Variants in KASH5 observed in about 807,000 individuals in gnomAD.
KASH5 encodes the protein protein KASH5.
A neutral mutation model predicts 84.2 loss-of-function variants in KASH5; 72 were observed. The observed-to-expected ratio is 0.85, with a 90% confidence interval of 0.71 to 1.04. The LOEUF (loss-of-function observed/expected upper bound fraction) is 1.04, where lower values mean the gene tolerates loss of function less well. Ranked by LOEUF, KASH5 falls within the 50% of genes least tolerant of loss-of-function variation. KASH5 has a pLI of 0.00. For synonymous variants in KASH5, 260 were observed against 279.1 expected, an observed-to-expected ratio of 0.93 and a Z score of 0.68; for missense variants, 650 against 701.0, an observed-to-expected ratio of 0.93 and a Z score of 0.82.
At chr19:49,402,366 A>T (rs138373284) in intron 9 of KASH5, among the ~76,000 whole-genome samples, 1 of 151,422 alleles carries the variant, frequency 6.6e-6, no homozygotes, top group Non-Finnish European at 1.5e-5. Flanking sequence ...TAGGCAACAT[A>T]GTGAGAGCCC....
chr19:49,407,021 T>C, intron 10 of KASH5, 58 bp downstream of exon 10: 1 of 1,516,804 alleles, frequency 6.6e-7, no homozygotes. Context: ...ATTTTTCCCA[T>C]TTCCGGTTTT....
rs1219518638 is a variant in KASH5 at position 49,412,887 on chromosome 19, C to T, written c.1270-81C>T. On this transcript the variant is annotated intron_variant, in intron 15 of 19. Coordinates refer to ENST00000447857, the MANE Select transcript of KASH5 (RefSeq NM_144688.5). This position sits in a 1 kb window ranked among gnomAD's most constrained non-coding sequence, Gnocchi z 4.6. ...TTTTGTATATGGGGTCTGGGACCGGCGGGGGAGACAGTGGGCACTGTTAGG... is the reference window on the plus strand; with the variant it reads ...TTTTGTATATGGGGTCTGGGACCGGTGGGGGAGACAGTGGGCACTGTTAGG... 6.4e-6 allele frequency: 9 copies of T among 1,400,860 alleles called. No individual in the cohort carries two copies. The highest frequency in any genetic ancestry group is 6.1e-5 in the South Asian group (5 of 82,142). 86.8% of individuals were successfully genotyped at this position (1,400,860 alleles called of 1,614,324 possible). A position where few individuals can be genotyped will look rare whatever the true frequency, so the allele number is the denominator to read the frequency against.
intron 17 of KASH5, 131 bp downstream of exon 17, chr19:49,415,127 C>G (rs1314967037): frequency 3.3e-6 from 3 of 920,032 alleles, no homozygotes; most frequent in Non-Finnish European, 5.2e-6. Context: ...AATCATTTGG[C>G]CAAGAGATAA....
intron 10 of KASH5, 75 bp from the exon 11 acceptor site, chr19:49,407,165 G>A: frequency 1.3e-6 from 2 of 1,544,462 alleles, no homozygotes; most frequent in Non-Finnish European, 1.8e-6. Context: ...GAGAGAACAG[G>A]TGGGGCCAGG....
At chr19:49,402,241 CA>C (rs1050513362) in intron 9 of KASH5, among the ~76,000 whole-genome samples, 14 of 135,916 alleles carry the variant, frequency 1.0e-4, no homozygotes, top group Admixed American at 1.5e-4. Flanking sequence ...GACTCAGTCT[CA>C]AAAAAAAAAG....
intron 15 of KASH5, among the ~76,000 whole-genome samples, chr19:49,411,925 AAGGAAGGAAG>A (rs1974725253): frequency 5.6e-5 from 2 of 35,686 alleles, no homozygotes; most frequent in South Asian, 1.5e-3. Context: ...GGAGGGAAGG[AAGGAAGGAAG>A]GAAGGAAGGA....
At chr19:49,397,572 G>A in intron 5 of KASH5, 79 bp from the exon 6 acceptor site, 1 of 1,321,728 alleles carries the variant, frequency 7.6e-7, no homozygotes, top group Non-Finnish European at 1.1e-6. Context: ...GGCAGATGGA[G>A]TCCAACCTCA....
chr19:49,397,576 A>G, intron 5 of KASH5, 75 bp from the exon 6 acceptor site: 1 of 1,397,006 alleles, frequency 7.2e-7, no homozygotes, highest in Non-Finnish European at 1.0e-6. Flanking sequence ...GATGGAGTCC[A>G]ACCTCAGAGC....
chr19:49,398,928 ATC>A (rs1974272876), intron 7 of KASH5, 95 bp from the exon 8 acceptor site: 1 of 902,778 alleles, frequency 1.1e-6, no homozygotes, highest in Admixed American at 2.5e-5. Flanking sequence ...ACCACCTGGG[ATC>A]TCTCTGTTGC....
Position 49,394,580 on chromosome 19 carries a change from G to A in KASH5, c.148G>A (p.Gly50Ser), listed in dbSNP as rs1389920424. The A allele has an allele frequency of 1.2e-6, 2 of 1,611,754 alleles. No homozygotes were observed. The highest frequency in any genetic ancestry group is 1.7e-5 in the Admixed American group (1 of 59,990). ...TFEACDPQRT[G>S]TVAVAQVLAY... ...CGAAGCTTGTGACCCTCAGAGGACA[G>A]GTGGTGGGGGCATGAGGGGTGCTGG... The change falls in exon 3 of 20, where the codon GGC (glycine) becomes AGC (serine). Residue 50 changes from glycine to serine, a missense_variant and splice_region_variant. Physicochemically the swap from Gly to Ser is moderately conservative, Grantham distance 56 (BLOSUM62 0). Transcript: ENST00000447857.
intron 5 of KASH5, among the ~76,000 whole-genome samples, chr19:49,396,395 C>T (rs1166648378): frequency 2.0e-5 from 3 of 152,220 alleles, no homozygotes; most frequent in South Asian, 2.1e-4. Flanking sequence ...GCTGGGATTA[C>T]AGGCATGCAC....
chr19:49,409,217 G>A lies in KASH5; in HGVS notation c.1080G>A (p.Leu360=). ...GPDELPEGAQ[L]RRVGWTELLP... is the part of the protein sequence containing the mutation. The stretch of plus-strand genomic sequence containing the variant: ...CCAGGCTACCTGAAGGGGCCCAGCT[G>A]AGAAGAGTGGGCTGGACCGAGCTGC... Residue 360 remains leucine, a synonymous_variant, in exon 14 of 20, where the codon CTG becomes CTA. Transcript: ENST00000447857. The A allele has an allele frequency of 6.2e-7, 1 of 1,613,940 alleles. No individual in the cohort carries two copies. The highest frequency in any genetic ancestry group is 1.1e-5 in the South Asian group (1 of 91,070).
chr19:49,404,494 A>C (rs1974462991), intron 9 of KASH5, among the ~76,000 whole-genome samples: 2 of 152,090 alleles, frequency 1.3e-5, no homozygotes, highest in African/African-American at 4.8e-5. Context: ...CCTCCTCAGG[A>C]AGCCTGTTAG....
intron 9 of KASH5, among the ~76,000 whole-genome samples, chr19:49,401,112 C>G (rs1398134936): frequency 6.6e-6 from 1 of 152,188 alleles, no homozygotes; most frequent in Non-Finnish European, 1.5e-5. Context: ...CTTTGGATCT[C>G]TGGACATACC....
chr19:49,402,391 A>G (rs1362926741), intron 9 of KASH5, among the ~76,000 whole-genome samples: 6 of 32,832 alleles, frequency 1.8e-4, no homozygotes, highest in Admixed American at 1.4e-3. Context: ...CTATAAAACA[A>G]AAAAAAACAA....
Position 49,414,678 on chromosome 19 carries a change from C to T in KASH5, c.1329-273C>T, listed in dbSNP as rs958879767. 2.0e-5 allele frequency among the ~76,000 whole-genome samples: 3 copies of T among 150,788 alleles called. No individual in the cohort carries two copies. The highest frequency in any genetic ancestry group is 4.4e-5 in the Non-Finnish European group (3 of 67,866). On this transcript the variant is annotated intron_variant, in intron 16 of 19. Coordinates refer to ENST00000447857, the MANE Select transcript of KASH5 (RefSeq NM_144688.5). The surrounding 1 kb of genome is among the most constrained non-coding windows in gnomAD (Gnocchi z 4.5). ...GAAAAATACATATGCAGGACACCCCCCAGGCCCGTCCGTGCTGCCTGGCCT... is the reference window on the plus strand; with the variant it reads ...GAAAAATACATATGCAGGACACCCCTCAGGCCCGTCCGTGCTGCCTGGCCT...
Position 49,417,122 on chromosome 19 carries a change from A to G in KASH5, c.1440-37A>G. ...GTCCAGGAGGGACACTGGGGCAAGG[A>G]AAAACCCAGTGGTGATTCCCTCCTT... is the stretch of plus-strand genomic sequence containing the variant. On this transcript the variant is annotated intron_variant, in intron 18 of 19. Transcript: ENST00000447857. This position sits in a 1 kb window ranked among gnomAD's most constrained non-coding sequence, Gnocchi z 5.2. 1 of 1,610,142 alleles carries G rather than the reference A, an allele frequency of 6.2e-7. No individual in the cohort carries two copies. The highest frequency in any genetic ancestry group is 8.5e-7 in the Non-Finnish European group (1 of 1,178,256).
chr19:49,399,643 C>A lies in KASH5; in HGVS notation c.798+136C>A. Reference sequence around the variant, plus strand: ...GAATGTCAGTAGTGTGGGAATGTCCCTGAGGTTATATCACACTGTGAGAAC... The same window carrying A: ...GAATGTCAGTAGTGTGGGAATGTCCATGAGGTTATATCACACTGTGAGAAC... On this transcript the variant is annotated intron_variant, in intron 9 of 19. Coordinates refer to ENST00000447857, the MANE Select transcript of KASH5 (RefSeq NM_144688.5). The surrounding 1 kb of genome is among the most constrained non-coding windows in gnomAD (Gnocchi z 4.4). 1.3e-6 allele frequency: 2 copies of A among 1,524,256 alleles called. No individual in the cohort carries two copies. The highest frequency in any genetic ancestry group is 1.8e-6 in the Non-Finnish European group (2 of 1,133,418). The allele number at this position is 1,524,256 out of a possible 1,614,324, so 94.4% of individuals were successfully genotyped here.
At chr19:49,415,325 A>G in intron 17 of KASH5, 1 of 398,962 alleles carries the variant, frequency 2.5e-6, no homozygotes, top group Non-Finnish European at 4.7e-6. Flanking sequence ...ATGCGCCCAC[A>G]CTCGGGAGAG....
Sources: allele counts gnomAD v4.1 joint callset (sites outside exome capture counted in the v4.1 genomes callset), GRCh38; gene constraint gnomAD v4.1.1; non-coding constraint Gnocchi (gnomAD v3.1); transcripts MANE v1.5; gene names NCBI Gene and HGNC (gene_info 2026-07-23, HGNC 2026-07-21).